APBB1IP: variants seen among roughly 807,000 people sequenced by gnomAD.
APBB1IP encodes the protein amyloid beta A4 precursor protein-binding family B member 1-interacting protein.
In APBB1IP, 27 loss-of-function variants were observed where a neutral mutation model predicts 64.9. The observed-to-expected ratio is 0.42, with a 90% CI of 0.31 to 0.57. The LOEUF (loss-of-function observed/expected upper bound fraction) is 0.57. Among genes scored for constraint, APBB1IP ranks in the 20% least tolerant of loss-of-function variants. The probability of loss-of-function intolerance (pLI) is 0.20; values close to 1 mark genes in which losing one functional copy is unlikely to be tolerated. For missense variants in APBB1IP, 812 were observed against 845.5 expected (o/e 0.96, Z 0.49); for synonymous variants, 392 against 331.0 (o/e 1.18, Z -2.00).
rs1294997113 is a variant in APBB1IP at position 26,562,391 on chromosome 10, G to A, written c.1435G>A (p.Val479Ile). Residue 479 changes from valine to isoleucine, a missense_variant, in exon 14 of 15, where the codon GTT becomes ATT. Physicochemically the swap from Val to Ile is conservative, Grantham distance 29 (BLOSUM62 3). Around this residue, in one of 3 missense-constraint regions of APBB1IP, gnomAD observed 381 missense variants for 352.1 expected, o/e 1.08. Coordinates refer to ENST00000376236, the MANE Select transcript of APBB1IP (RefSeq NM_019043.4). Reference sequence around the variant, plus strand: ...CCAGGCTACACATTCTGTCAGTGCTGTTCTCCAAGAGGCCCAGAGACATGC... The same window carrying A: ...CCAGGCTACACATTCTGTCAGTGCTATTCTCCAAGAGGCCCAGAGACATGC... ...IPQATHSVSA[V>I]LQEAQRHAET... 4 of 1,613,884 alleles carry A rather than the reference G, an allele frequency of 2.5e-6. No homozygotes were observed. The highest frequency in any genetic ancestry group is 2.2e-5 in the East Asian group (1 of 44,896).
At chr10:26,448,912 TTTC>T (rs1174593382) in intron 2 of APBB1IP, among the ~76,000 whole-genome samples, 2 of 152,180 alleles carry the variant, frequency 1.3e-5, no homozygotes, top group African/African-American at 4.8e-5. Flanking sequence ...ACTCTTCTGT[TTTC>T]TTTTTTTTGC....
At chr10:26,503,716 G>T (rs569412258) in intron 6 of APBB1IP, among the ~76,000 whole-genome samples, 2 of 152,288 alleles carry the variant, frequency 1.3e-5, no homozygotes, top group South Asian at 4.1e-4. Flanking sequence ...AACTTTTAAG[G>T]ACAAAGATAA....
At chr10:26,503,153 ATTAC>A (rs1337946420) in intron 5 of APBB1IP, 40 bp from the exon 6 acceptor site, 7 of 1,585,248 alleles carry the variant, frequency 4.4e-6, no homozygotes. Flanking sequence ...ACTCACTGGT[ATTAC>A]TTAATGGACT....
At chr10:26,499,626 T>C (rs1836071757) in intron 4 of APBB1IP, among the ~76,000 whole-genome samples, 1 of 152,162 alleles carries the variant, frequency 6.6e-6, no homozygotes, top group African/African-American at 2.4e-5. Flanking sequence ...ATATAATGTA[T>C]GCCTGATCAT....
chr10:26,513,816 T>C (rs1405487933), intron 8 of APBB1IP, among the ~76,000 whole-genome samples, 156 bp downstream of exon 8: 1 of 151,964 alleles, frequency 6.6e-6, no homozygotes, highest in Non-Finnish European at 1.5e-5. Flanking sequence ...CACTACAACC[T>C]CCGCCTCCTG....
chr10:26,506,924 G>T (rs1281267667), intron 6 of APBB1IP, among the ~76,000 whole-genome samples: 1 of 152,204 alleles, frequency 6.6e-6, no homozygotes, highest in Non-Finnish European at 1.5e-5. Flanking sequence ...TGAGCAGGCA[G>T]CCCTGAAGGG....
intron 8 of APBB1IP, among the ~76,000 whole-genome samples, chr10:26,516,255 T>C (rs1178870739): frequency 6.6e-6 from 1 of 151,900 alleles, no homozygotes; most frequent in African/African-American, 2.4e-5. Context: ...ATTTGAGGGC[T>C]TCAATATTTA....
intron 2 of APBB1IP, among the ~76,000 whole-genome samples, chr10:26,463,388 T>C (rs752875859): frequency 2.6e-5 from 4 of 152,174 alleles, no homozygotes; most frequent in Non-Finnish European, 5.9e-5. Flanking sequence ...TGTAGTGAGC[T>C]ATGACTGTGC....
chr10:26,533,340 C>T, intron 8 of APBB1IP, 99 bp from the exon 9 acceptor site: 1 of 634,522 alleles, frequency 1.6e-6, no homozygotes, highest in East Asian at 3.3e-5. Flanking sequence ...GTTTGTTTCA[C>T]ACACTTAACA....
At chr10:26,559,435 G>A (rs2132482775) in intron 11 of APBB1IP, among the ~76,000 whole-genome samples, 1 of 151,852 alleles carries the variant, frequency 6.6e-6, no homozygotes, top group South Asian at 2.1e-4. Context: ...CAATTAGCTG[G>A]ACATGGTGGT....
intron 2 of APBB1IP, among the ~76,000 whole-genome samples, chr10:26,442,720 A>G (rs1238426312): frequency 6.6e-6 from 1 of 152,260 alleles, no homozygotes; most frequent in South Asian, 2.1e-4. Flanking sequence ...AATAAAGCCA[A>G]CATCTGGGTA....
chr10:26,481,061 C>A (rs1363881890), intron 2 of APBB1IP, among the ~76,000 whole-genome samples: 2 of 151,778 alleles, frequency 1.3e-5, no homozygotes, highest in Non-Finnish European at 1.5e-5. Context: ...ATATAGACAC[C>A]CAAAGTAGAA....
chr10:26,563,104 T>C (rs1836994625), intron 14 of APBB1IP, among the ~76,000 whole-genome samples: 1 of 152,168 alleles, frequency 6.6e-6, no homozygotes, highest in Non-Finnish European at 1.5e-5. Flanking sequence ...TTGCCTTTTT[T>C]GAATAAAATA....
At chr10:26,463,423 G>C (rs1835615346) in intron 2 of APBB1IP, among the ~76,000 whole-genome samples, 1 of 152,176 alleles carries the variant, frequency 6.6e-6, no homozygotes, top group Admixed American at 6.5e-5. Flanking sequence ...CTGAGTGACA[G>C]AGTGGGACCC....
intron 2 of APBB1IP, among the ~76,000 whole-genome samples, chr10:26,471,587 T>A (rs951516201): frequency 1.3e-5 from 2 of 152,216 alleles, no homozygotes; most frequent in African/African-American, 4.8e-5. Flanking sequence ...GATCACCCAA[T>A]GTATTGTGGA....
At chr10:26,518,672 T>C (rs1217039086) in intron 8 of APBB1IP, among the ~76,000 whole-genome samples, 1 of 152,244 alleles carries the variant, frequency 6.6e-6, no homozygotes, top group Non-Finnish European at 1.5e-5. Context: ...TGCCAGTGAT[T>C]GTAGCATCTT....
chr10:26,485,193 G>A (rs1482665741), intron 2 of APBB1IP, among the ~76,000 whole-genome samples: 1 of 152,168 alleles, frequency 6.6e-6, no homozygotes, highest in African/African-American at 2.4e-5. Context: ...GTGTTATAGT[G>A]AATGAGGTTC....
chr10:26,516,528 AG>A (rs1263028884), intron 8 of APBB1IP, among the ~76,000 whole-genome samples: 2 of 115,972 alleles, frequency 1.7e-5, no homozygotes, highest in Non-Finnish European at 3.6e-5. Flanking sequence ...TGGGTGACAG[AG>A]CAAGACTCCA....
intron 6 of APBB1IP, among the ~76,000 whole-genome samples, chr10:26,510,727 C>T (rs1238158532): frequency 2.1e-5 from 3 of 139,956 alleles, no homozygotes; most frequent in Non-Finnish European, 4.7e-5. Flanking sequence ...CAGAGCAAGA[C>T]CCTGTCTCAC....
Sources: allele counts gnomAD v4.1 joint callset (sites outside exome capture counted in the v4.1 genomes callset), GRCh38; gene constraint gnomAD v4.1.1; regional missense constraint gnomAD v4.1.1; transcripts MANE v1.5; gene names NCBI Gene and HGNC (gene_info 2026-07-23, HGNC 2026-07-21).